Variants in GLIS3 observed in about 807,000 individuals in gnomAD.
The protein encoded by GLIS3 is zinc finger protein GLIS3.
Under a neutral mutation model 78.6 loss-of-function variants are expected in GLIS3, and 53 were observed. The ratio of observed to expected loss-of-function variants is 0.67; its 90% confidence interval spans 0.54 to 0.85. GLIS3 has a LOEUF of 0.85. GLIS3 is among the 40% of genes least tolerant of loss of function. The pLI, the probability that GLIS3 is intolerant of heterozygous loss-of-function variation, is 0.00. For missense variants in GLIS3, 1,703 were observed against 1,231.1 expected (o/e 1.38, Z -5.74); for synonymous variants, 684 against 509.9 (o/e 1.34, Z -4.60).
At chr9:4,300,643 T>A (rs1817028986), upstream of GLIS3, among the ~76,000 whole-genome samples, 1 of 152,066 alleles carries the variant, frequency 6.6e-6, no homozygotes, top group Non-Finnish European at 1.5e-5. Flanking sequence ...GTATATTCCC[T>A]GCGTATGTTA....
the GLIS3 span, among the ~76,000 whole-genome samples, chr9:4,358,809 A>T: frequency 6.6e-6 from 1 of 152,206 alleles, no homozygotes; most frequent in Non-Finnish European, 1.5e-5. Flanking sequence ...TAAGCAGATG[A>T]GGTGTGTAAA....
the GLIS3 span, among the ~76,000 whole-genome samples, chr9:4,490,001 A>G: frequency 6.6e-6 from 1 of 152,166 alleles, no homozygotes; most frequent in African/African-American, 2.4e-5. Flanking sequence ...CTGCTGGCAC[A>G]TCCCAGCCTG....
At chr9:3,896,832 C>T (rs992226037) in intron 7 of GLIS3, among the ~76,000 whole-genome samples, 2 of 152,182 alleles carry the variant, frequency 1.3e-5, no homozygotes, top group African/African-American at 4.8e-5. Flanking sequence ...CCACTGATGG[C>T]TGGAGCAACT....
At position 4,297,883 on chromosome 9, in the gene GLIS3, G is replaced by A. The variant is rs945381819; in HGVS notation, c.-99+1538C>T. Among the ~76,000 whole-genome samples, 9 of 152,012 alleles carry A rather than the reference G, an allele frequency of 5.9e-5. 1 individual carries two copies. The highest frequency in any genetic ancestry group is 2.6e-4 in the Admixed American group (4 of 15,280). On this transcript the variant is annotated intron_variant, in intron 1 of 10. Transcript: ENST00000381971. ...AGGCAGGAGGAGGGCGGCCCTTATCGGTTCCCTATAGGACTGGCTTCGCTG... is the reference window on the plus strand; with the variant it reads ...AGGCAGGAGGAGGGCGGCCCTTATCAGTTCCCTATAGGACTGGCTTCGCTG...
chr9:4,187,589 T>C (rs1160881406), intron 2 of GLIS3, among the ~76,000 whole-genome samples: 3 of 152,252 alleles, frequency 2.0e-5, no homozygotes, highest in Non-Finnish European at 4.4e-5. Context: ...CCTTGGACTG[T>C]ATGGCCATTT....
At chr9:4,300,126 G>A (rs1413288470), upstream of GLIS3, among the ~76,000 whole-genome samples, 2 of 151,676 alleles carry the variant, frequency 1.3e-5, no homozygotes, top group Non-Finnish European at 1.5e-5. Context: ...GCCGGAGGGG[G>A]AGGGGGAAGA....
chr9:3,902,262 G>A (rs1223431029), intron 6 of GLIS3, among the ~76,000 whole-genome samples: 3 of 152,182 alleles, frequency 2.0e-5, no homozygotes, highest in East Asian at 1.9e-4. Flanking sequence ...AAGGAGAGCC[G>A]TATGCATAGA....
At chr9:4,222,026 C>T (rs888866764) in intron 2 of GLIS3, among the ~76,000 whole-genome samples, 9 of 152,196 alleles carry the variant, frequency 5.9e-5, no homozygotes, top group Admixed American at 4.6e-4. Flanking sequence ...TACTTTGGCT[C>T]TTGAGTTGAA....
intron 6 of GLIS3, among the ~76,000 whole-genome samples, chr9:3,929,566 C>A (rs913946559): frequency 6.6e-6 from 1 of 152,036 alleles, no homozygotes; most frequent in East Asian, 1.9e-4. Flanking sequence ...AAACTGGCAA[C>A]CTTAAGACCA....
At chr9:4,274,536 TG>T (rs1826813783) in intron 2 of GLIS3, among the ~76,000 whole-genome samples, 1 of 152,020 alleles carries the variant, frequency 6.6e-6, no homozygotes, top group Admixed American at 6.6e-5. Flanking sequence ...AAGCAGAGGG[TG>T]GCAATGAATA....
intron 4 of GLIS3, among the ~76,000 whole-genome samples, chr9:4,012,346 C>A (rs2130045040): frequency 6.6e-6 from 1 of 152,246 alleles, no homozygotes; most frequent in Non-Finnish European, 1.5e-5. Flanking sequence ...AGTCAATGTA[C>A]ATTTTGAAGA....
chr9:4,270,029 C>G (rs1826361079), intron 2 of GLIS3, among the ~76,000 whole-genome samples: 1 of 152,226 alleles, frequency 6.6e-6, no homozygotes. Context: ...GGAACCAGTG[C>G]TCTGCAGTAA....
the GLIS3 span, among the ~76,000 whole-genome samples, chr9:4,443,009 G>C: frequency 6.6e-6 from 1 of 152,130 alleles, no homozygotes; most frequent in Non-Finnish European, 1.5e-5. Context: ...TCGAGTCTGT[G>C]TCCTCCCACC....
At chr9:4,392,335 A>G in the GLIS3 span, among the ~76,000 whole-genome samples, 1 of 152,162 alleles carries the variant, frequency 6.6e-6, no homozygotes, top group Admixed American at 6.5e-5. Context: ...GCTGCAAACC[A>G]CCATGGCACA....
intron 2 of GLIS3, among the ~76,000 whole-genome samples, chr9:4,329,210 C>T (rs1001738041): frequency 2.6e-5 from 4 of 152,234 alleles, no homozygotes; most frequent in East Asian, 1.9e-4. Context: ...CCCATTCCCA[C>T]GATAATGTTC....
intron 6 of GLIS3, among the ~76,000 whole-genome samples, chr9:3,910,346 G>T (rs1189846626): frequency 1.3e-5 from 2 of 152,044 alleles, no homozygotes; most frequent in African/African-American, 4.8e-5. Context: ...ATTTTGTTTT[G>T]TTATTTATTT....
At chr9:3,964,168 T>C (rs908643389) in intron 4 of GLIS3, among the ~76,000 whole-genome samples, 1 of 152,086 alleles carries the variant, frequency 6.6e-6, no homozygotes, top group South Asian at 2.1e-4. Context: ...CACAGATTGA[T>C]GGGACTAATT....
chr9:3,899,106 A>C (rs1475937698), intron 6 of GLIS3: 2 of 516,682 alleles, frequency 3.9e-6, no homozygotes, highest in African/African-American at 3.8e-5. Flanking sequence ...TCAACTTCCT[A>C]TTATACTTCC....
chr9:4,015,714 C>T (rs1196730891), intron 4 of GLIS3, among the ~76,000 whole-genome samples: 5 of 151,790 alleles, frequency 3.3e-5, no homozygotes, highest in Admixed American at 2.6e-4. Context: ...AAGGTGAAAC[C>T]CCATCTCTAC....
Sources: gnomAD v4.1 joint callset for allele counts (sites outside exome capture counted in the v4.1 genomes callset) on GRCh38, gnomAD v4.1.1 for gene constraint, MANE v1.5 for transcripts, NCBI Gene and HGNC (gene_info 2026-07-23, HGNC 2026-07-21) for gene names.